Variants in GAB2 observed in about 807,000 individuals in gnomAD.
The protein encoded by GAB2 is GRB2-associated-binding protein 2.
Under a neutral mutation model 65.5 loss-of-function variants are expected in GAB2, and 26 were observed. The ratio of observed to expected loss-of-function variants is 0.40; its 90% CI spans 0.29 to 0.55. GAB2 has a LOEUF of 0.55. GAB2 is among the 20% of genes least tolerant of loss of function. The probability of loss-of-function intolerance (pLI) is 0.53; values close to 1 mark genes in which losing one functional copy is unlikely to be tolerated. For missense variants in GAB2, 884 were observed against 875.8 expected, an observed-to-expected ratio of 1.01 and a Z score of -0.12; for synonymous variants, 321 against 329.6, an observed-to-expected ratio of 0.97 and a Z score of 0.28.
At chr11:78,231,543 T>A (rs1864854220) in intron 3 of GAB2, among the ~76,000 whole-genome samples, 3 of 152,124 alleles carry the variant, frequency 2.0e-5, no homozygotes, top group Admixed American at 2.0e-4. Context: ...AGAGACGGGG[T>A]TTCATCATAT....
At chr11:78,389,792 T>C (rs1856811083) in intron 1 of GAB2, among the ~76,000 whole-genome samples, 1 of 152,340 alleles carries the variant, frequency 6.6e-6, no homozygotes, top group Admixed American at 6.5e-5. Context: ...AAGCCCCTTT[T>C]ACCACCCCTG....
At chr11:78,289,224 A>T (rs1345892679) in intron 1 of GAB2, among the ~76,000 whole-genome samples, 1 of 152,178 alleles carries the variant, frequency 6.6e-6, no homozygotes, top group East Asian at 1.9e-4. Flanking sequence ...ACATGGCAAA[A>T]CCCTGTCTCT....
intron 1 of GAB2, among the ~76,000 whole-genome samples, chr11:78,293,299 C>T (rs1406830879): frequency 6.6e-6 from 1 of 152,160 alleles, no homozygotes; most frequent in East Asian, 1.9e-4. Flanking sequence ...TTTTCTTACC[C>T]CAAGACTATG....
chr11:78,381,404 G>T (rs1856695578), intron 1 of GAB2, among the ~76,000 whole-genome samples: 1 of 152,156 alleles, frequency 6.6e-6, no homozygotes. Flanking sequence ...CTTGAGAGAT[G>T]AGTCTCAAAA....
At chr11:78,220,691 T>A (rs1312552624) in intron 8 of GAB2, among the ~76,000 whole-genome samples, 1 of 152,186 alleles carries the variant, frequency 6.6e-6, no homozygotes, top group African/African-American at 2.4e-5. Flanking sequence ...AGAAGTGACT[T>A]TGCCTGTGGC....
intron 1 of GAB2, among the ~76,000 whole-genome samples, chr11:78,380,746 T>C (rs1228217670): frequency 3.3e-5 from 5 of 152,174 alleles, no homozygotes; most frequent in Admixed American, 2.0e-4. Flanking sequence ...TCACATGTCA[T>C]GCAGCTGCAA....
intron 3 of GAB2, among the ~76,000 whole-genome samples, chr11:78,234,771 T>C (rs1226949808): frequency 1.3e-5 from 2 of 152,074 alleles, no homozygotes; most frequent in Non-Finnish European, 2.9e-5. Context: ...TCAAGTAATA[T>C]AAATCCTGAC....
At chr11:78,279,301 T>C (rs1027331079) in intron 2 of GAB2, among the ~76,000 whole-genome samples, 5 of 152,122 alleles carry the variant, frequency 3.3e-5, no homozygotes, top group African/African-American at 7.2e-5. Flanking sequence ...AACTTCAAGA[T>C]AGTAATAGTG....
intron 1 of GAB2, among the ~76,000 whole-genome samples, chr11:78,326,031 T>C (rs1437243677): frequency 6.6e-6 from 1 of 152,222 alleles, no homozygotes; most frequent in Admixed American, 6.5e-5. Context: ...CAATCATTCT[T>C]ATCTTGTGTT....
Position 78,355,066 on chromosome 11 carries a change from C to A in GAB2, c.75+62580G>T, listed in dbSNP as rs144624984. 7.7e-4 allele frequency among the ~76,000 whole-genome samples: 117 copies of A among 152,318 alleles called. 1 individual carries two copies. The highest frequency in any genetic ancestry group is 2.6e-3 in the African/African-American group (109 of 41,566). On this transcript the variant is annotated intron_variant, in intron 1 of 9. Coordinates refer to ENST00000361507, the MANE Select transcript of GAB2 (RefSeq NM_080491.3). ...ACATTTCACAATCTTAAAACAGAGA[C>A]CACAGACGTGGAGCTTACTTAAAGA...
intron 1 of GAB2, among the ~76,000 whole-genome samples, chr11:78,402,746 C>T (rs114593197): frequency 0.01 from 1,529 of 152,142 alleles, 27 homozygotes; most frequent in African/African-American, 0.035. Flanking sequence ...CCACTGCGCC[C>T]GGCCATGAGC....
intron 1 of GAB2, among the ~76,000 whole-genome samples, chr11:78,319,870 A>ACT (rs1855688464): frequency 7.5e-6 from 1 of 133,530 alleles, no homozygotes; most frequent in Admixed American, 7.5e-5. Flanking sequence ...AAAGAAACAG[A>ACT]CTTTTTTTTT....
chr11:78,307,087 C>T (rs1187439842), intron 1 of GAB2, among the ~76,000 whole-genome samples: 2 of 152,082 alleles, frequency 1.3e-5, no homozygotes, highest in Non-Finnish European at 2.9e-5. Context: ...GTCAATAAAA[C>T]CAAGCATTCT....
chr11:78,287,943 C>T (rs1274096123), intron 1 of GAB2, among the ~76,000 whole-genome samples: 7 of 151,942 alleles, frequency 4.6e-5, no homozygotes, highest in Non-Finnish European at 7.4e-5. Flanking sequence ...CCAGCGTGCC[C>T]AGCCACTGTT....
intron 1 of GAB2, among the ~76,000 whole-genome samples, chr11:78,283,128 T>A (rs1817712827): frequency 6.6e-6 from 1 of 152,190 alleles, no homozygotes; most frequent in Non-Finnish European, 1.5e-5. Context: ...TTGGCAACAA[T>A]CTCTTGGCCT....
intron 1 of GAB2, among the ~76,000 whole-genome samples, chr11:78,303,240 T>C (rs911093001): frequency 6.6e-6 from 1 of 152,206 alleles, no homozygotes; most frequent in African/African-American, 2.4e-5. Flanking sequence ...TTGTGTCTTA[T>C]CTAGGAAATC....
At chr11:78,291,601 T>A (rs1346761787) in intron 1 of GAB2, among the ~76,000 whole-genome samples, 1 of 120,676 alleles carries the variant, frequency 8.3e-6, no homozygotes, top group Non-Finnish European at 1.6e-5. Flanking sequence ...CGACAGGGTC[T>A]CCCTCTGTTG....
At chr11:78,249,235 A>G (rs1865380951) in intron 3 of GAB2, among the ~76,000 whole-genome samples, 1 of 152,216 alleles carries the variant, frequency 6.6e-6, no homozygotes, top group Non-Finnish European at 1.5e-5. Context: ...TATACTGGCT[A>G]TTTCTCAGTG....
intron 3 of GAB2, among the ~76,000 whole-genome samples, chr11:78,239,593 G>A (rs777225268): frequency 4.6e-5 from 7 of 152,130 alleles, no homozygotes; most frequent in Non-Finnish European, 8.8e-5. Flanking sequence ...ACAGAAACTC[G>A]ATGAACCAGA....
Sources: allele counts gnomAD v4.1 joint callset (sites outside exome capture counted in the v4.1 genomes callset), GRCh38; gene constraint gnomAD v4.1.1; transcripts MANE v1.5; gene names NCBI Gene and HGNC (gene_info 2026-07-23, HGNC 2026-07-21).